Variants in RBL2 observed in about 807,000 individuals in gnomAD.
The protein encoded by RBL2 is RB transcriptional corepressor like 2, also known as retinoblastoma-like protein 2.
A neutral mutation model predicts 126.0 loss-of-function variants in RBL2; 56 were observed. The observed-to-expected ratio is 0.44, with a 90% CI of 0.36 to 0.56. RBL2 has a LOEUF of 0.56. RBL2 is among the 20% of genes least tolerant of loss of function. The probability of loss-of-function intolerance (pLI) is 0.00; values close to 1 mark genes in which losing one functional copy is unlikely to be tolerated. For synonymous variants in RBL2, 454 were observed against 478.5 expected (o/e 0.95, Z 0.67); for missense variants, 1,229 against 1,398.2 (o/e 0.88, Z 1.93).
chr16:53,482,857 A>G (rs1961010011), intron 21 of RBL2, among the ~76,000 whole-genome samples: 2 of 151,628 alleles, frequency 1.3e-5, no homozygotes, highest in Admixed American at 6.6e-5. Flanking sequence ...ACATATATAT[A>G]TGGCCTGAAC....
Position 53,434,589 on chromosome 16 carries a change from C to T in RBL2, c.33C>T (p.Pro11=), listed in dbSNP as rs1240412140. The T allele has an allele frequency of 2.6e-6, 4 of 1,543,038 alleles. 1 individual carries two copies. The South Asian group carries it at 3.6e-5, about 14-fold the overall frequency. The change falls in exon 1 of 22, where the codon CCC becomes CCT. Residue 11 remains proline, a synonymous_variant. Coordinates refer to ENST00000262133, the MANE Select transcript of RBL2 (RefSeq NM_005611.4). ...CGGGAGGTGACCAGTCGCCACCGCCCCCGCCTCCCCCTCCGGCGGCGGCAG... is the reference window on the plus strand; with the variant it reads ...CGGGAGGTGACCAGTCGCCACCGCCTCCGCCTCCCCCTCCGGCGGCGGCAG... MPSGGDQSPP[P]PPPPPAAAAS...
chr16:53,485,148 C>T (rs145313485), intron 21 of RBL2, among the ~76,000 whole-genome samples: 1 of 152,234 alleles, frequency 6.6e-6, no homozygotes, highest in East Asian at 1.9e-4. Context: ...GCAGAGAGAA[C>T]ATTTACCAAC....
At chr16:53,461,158 G>A (rs945838501) in intron 9 of RBL2, among the ~76,000 whole-genome samples, 4 of 151,960 alleles carry the variant, frequency 2.6e-5, no homozygotes, top group African/African-American at 7.3e-5. Context: ...CATAGATATC[G>A]AATGGGCCCA....
At chr16:53,447,342 A>G (rs1680008739) in intron 4 of RBL2, among the ~76,000 whole-genome samples, 1 of 152,126 alleles carries the variant, frequency 6.6e-6, no homozygotes, top group Non-Finnish European at 1.5e-5. Flanking sequence ...TGTTGTATAC[A>G]ACATCTTTTC....
chr16:53,447,262 A>G (rs1199192941), intron 4 of RBL2, among the ~76,000 whole-genome samples, 156 bp downstream of exon 4: 1 of 152,042 alleles, frequency 6.6e-6, no homozygotes, highest in African/African-American at 2.4e-5. Context: ...TTGCCTTTTC[A>G]TCAAAGGATC....
rs2058027126 is a variant in RBL2, at chr16:53,442,652, T to C, written c.372-6T>C. 1 of 1,603,838 alleles carries C rather than the reference T, an allele frequency of 6.2e-7. No homozygotes were observed. Among genetic ancestry groups the C allele is most frequent in the African/African-American group, 1.3e-5 (1 of 74,766 alleles). ...TATGAAATATCTTGTTTGTCTTTAA[T>C]ACCAGCTTAATCGAATTTTTTAATA... is the stretch of plus-strand genomic sequence containing the variant. On this transcript the variant is annotated splice_polypyrimidine_tract_variant and splice_region_variant and intron_variant, in intron 2 of 21. Coordinates refer to ENST00000262133, the MANE Select transcript of RBL2 (RefSeq NM_005611.4).
intron 21 of RBL2, among the ~76,000 whole-genome samples, chr16:53,487,234 A>G (rs1317891373): frequency 6.6e-6 from 1 of 152,256 alleles, no homozygotes; most frequent in East Asian, 1.9e-4. Flanking sequence ...AAGAACTCGA[A>G]TAGCTAAAAT....
intron 11 of RBL2, 26 bp from the exon 12 acceptor site, chr16:53,464,200 C>A: frequency 6.7e-7 from 1 of 1,495,468 alleles, no homozygotes; most frequent in Non-Finnish European, 9.0e-7. Flanking sequence ...GTAAATGTTT[C>A]TAATGCTAAT....
At chr16:53,444,495 G>T (rs2058043941) in intron 3 of RBL2, among the ~76,000 whole-genome samples, 1 of 152,120 alleles carries the variant, frequency 6.6e-6, no homozygotes, top group South Asian at 2.1e-4. Flanking sequence ...GGAGGTTGCA[G>T]TGAGCCGAGA....
chr16:53,488,852 T>C (rs747741284), intron 21 of RBL2: 4 of 152,078 alleles, frequency 2.6e-5, no homozygotes, highest in Non-Finnish European at 5.9e-5. Flanking sequence ...AGATAGCAAA[T>C]GCAGACCAGA....
In RBL2 at chr16:53,490,426, C is replaced by T. The variant is rs946089538; in HGVS notation, c.*126C>T. On this transcript the variant is annotated 3_prime_UTR_variant, in exon 22 of 22. Coordinates refer to ENST00000262133, the MANE Select transcript of RBL2 (RefSeq NM_005611.4). ...ACAGCCTGTTAGTAACATGAGGGGA[C>T]ATTTTGGTGAGAAATGGGACTTAAC... 1.2e-5 allele frequency: 9 copies of T among 763,336 alleles called. No homozygotes were observed. The highest frequency in any genetic ancestry group is 1.2e-5 in the Non-Finnish European group (6 of 516,194). 47.3% of individuals were successfully genotyped at this position (763,336 alleles called of 1,614,324 possible).
chr16:53,440,729 A>AT (rs1229923980), intron 2 of RBL2, among the ~76,000 whole-genome samples: 1 of 151,852 alleles, frequency 6.6e-6, no homozygotes, highest in Non-Finnish European at 1.5e-5. Flanking sequence ...AATTTTTTGT[A>AT]TTTTTAGTAG....
intron 20 of RBL2, 142 bp from the exon 21 acceptor site, chr16:53,481,529 T>G: frequency 1.3e-6 from 1 of 752,016 alleles, no homozygotes; most frequent in Non-Finnish European, 2.0e-6. Flanking sequence ...AATATTTTTC[T>G]TTAGGTTAAG....
intron 17 of RBL2, among the ~76,000 whole-genome samples, chr16:53,471,411 T>A (rs975439244): frequency 4.6e-5 from 7 of 152,188 alleles, no homozygotes; most frequent in African/African-American, 1.7e-4. Context: ...ACACTTACTA[T>A]CTTACTTTGT....
intron 2 of RBL2, 52 bp from the exon 3 acceptor site, chr16:53,442,606 A>G (rs1005992753): frequency 1.2e-5 from 16 of 1,328,300 alleles, no homozygotes; most frequent in African/African-American, 4.4e-5. Flanking sequence ...TTACTTTTGT[A>G]TACTTTAGCC....
chr16:53,480,033 T>C (rs774415327), intron 19 of RBL2, 42 bp downstream of exon 19: 4 of 1,365,148 alleles, frequency 2.9e-6, no homozygotes, highest in Middle Eastern at 3.7e-4. Context: ...AATTAGGAGC[T>C]TTTCTTACTT....
rs1213898728 is a variant in RBL2, at chr16:53,457,277, T to TTTTTTTTTTTG, written c.1180-2174_1180-2173insTTTTTTTTTTG. 1.4e-5 allele frequency among the ~76,000 whole-genome samples: 2 copies of TTTTTTTTTTTG among 139,882 alleles called. 1 individual carries two copies. Among genetic ancestry groups the TTTTTTTTTTTG allele is most frequent in the Non-Finnish European group, 3.1e-5 (2 of 64,158 alleles). The allele number at this position is 139,882 out of a possible 152,430, so 91.8% of individuals were successfully genotyped here. Reference sequence around the variant, plus strand: ...AGATAGCTTTTTTTTTTTTTTTTTTTGAGATGGAGTCTCGCTCTGTCACCC... The same window carrying TTTTTTTTTTTG: ...AGATAGCTTTTTTTTTTTTTTTTTTTTTTTTTTTTTGGAGATGGAGTCTCGCTCTGTCACCC... On this transcript the variant is annotated intron_variant, in intron 8 of 21. Coordinates refer to ENST00000262133, the MANE Select transcript of RBL2 (RefSeq NM_005611.4).
chr16:53,440,423 G>T (rs1312160570), intron 2 of RBL2, among the ~76,000 whole-genome samples: 3 of 151,946 alleles, frequency 2.0e-5, no homozygotes, highest in African/African-American at 7.3e-5. Context: ...AATTATATCA[G>T]GAACTACTAA....
intron 3 of RBL2, among the ~76,000 whole-genome samples, chr16:53,444,551 T>TAAA (rs2058044455): frequency 6.7e-6 from 1 of 149,708 alleles, no homozygotes; most frequent in South Asian, 2.1e-4. Flanking sequence ...AGACTCCATT[T>TAAA]TAATAAATAA....
Sources: gnomAD v4.1 joint callset for allele counts (sites outside exome capture counted in the v4.1 genomes callset) on GRCh38, gnomAD v4.1.1 for gene constraint, MANE v1.5 for transcripts, NCBI Gene and HGNC (gene_info 2026-07-23, HGNC 2026-07-21) for gene names.